FGFR2: variants seen among roughly 807,000 people sequenced by gnomAD.
FGFR2 encodes fibroblast growth factor receptor 2.
A neutral mutation model predicts 95.9 loss-of-function variants in FGFR2; 19 were observed. The ratio of observed to expected loss-of-function variants is 0.20; its 90% CI spans 0.14 to 0.29. The LOEUF is 0.29. FGFR2 is among the 10% of genes least tolerant of loss of function. The pLI is 1.00. For synonymous variants in FGFR2, 392 were observed against 393.3 expected, an observed-to-expected ratio of 1.00 and a Z score of 0.04; for missense variants, 707 against 1,056.9, an observed-to-expected ratio of 0.67 and a Z score of 4.59.
At chr10:121,494,702 A>C (rs1472620312) in intron 13 of FGFR2, among the ~76,000 whole-genome samples, 4 of 152,072 alleles carry the variant, frequency 2.6e-5, no homozygotes, top group African/African-American at 9.7e-5. Flanking sequence ...ACCTGCCCCC[A>C]CACACATACA....
chr10:121,488,820 C>T (rs1845765444), intron 13 of FGFR2, among the ~76,000 whole-genome samples: 2 of 152,168 alleles, frequency 1.3e-5, no homozygotes, highest in East Asian at 3.9e-4. Context: ...CACTTGCTCT[C>T]CTGCCCTTTA....
intron 5 of FGFR2, among the ~76,000 whole-genome samples, chr10:121,548,244 C>CCTTTTT (rs1854824977): frequency 2.7e-5 from 1 of 36,880 alleles, no homozygotes; most frequent in Non-Finnish European, 6.2e-5. Context: ...CCGCTTTTGG[C>CCTTTTT]CTTTTTTTTT....
At chr10:121,590,445 T>C (rs1862467358) in intron 2 of FGFR2, among the ~76,000 whole-genome samples, 1 of 152,134 alleles carries the variant, frequency 6.6e-6, no homozygotes. Flanking sequence ...CCCCTTCGAG[T>C]CAATAACCAT....
At chr10:121,574,454 G>A (rs1352822553) in intron 2 of FGFR2, among the ~76,000 whole-genome samples, 3 of 152,060 alleles carry the variant, frequency 2.0e-5, no homozygotes, top group Non-Finnish European at 2.9e-5. Flanking sequence ...GCTTGAATCC[G>A]GGAGGCGGGG....
intron 2 of FGFR2, among the ~76,000 whole-genome samples, chr10:121,571,948 A>T (rs1414296182): frequency 9.9e-5 from 14 of 142,118 alleles, no homozygotes; most frequent in Non-Finnish European, 1.4e-4. Context: ...CATCTCAAAA[A>T]AAAAATAAAA....
At chr10:121,589,403 T>G (rs1038400501) in intron 2 of FGFR2, among the ~76,000 whole-genome samples, 2 of 152,386 alleles carry the variant, frequency 1.3e-5, no homozygotes, top group South Asian at 4.1e-4. Flanking sequence ...ATTTGTTAAG[T>G]CTGATATTAA....
intron 2 of FGFR2, among the ~76,000 whole-genome samples, chr10:121,578,174 A>G (rs767172883): frequency 1.3e-5 from 2 of 151,918 alleles, no homozygotes; most frequent in Non-Finnish European, 2.9e-5. Flanking sequence ...AAAGCACATG[A>G]TCTCTACTCT....
At position 121,519,965 on chromosome 10, in the gene FGFR2, C is replaced by T. The variant is rs2134306445; in HGVS notation, c.939+14G>A. 6 of 1,614,066 alleles carry T rather than the reference C, an allele frequency of 3.7e-6. No homozygotes were observed. The highest frequency in any genetic ancestry group is 4.2e-6 in the Non-Finnish European group (5 of 1,179,940). Reference sequence around the variant, plus strand: ...CCCCAGTTGTGGGTACCTTTAGATTCAGAAAGTCCTCACCTTGAGAACCTT... The same window carrying T: ...CCCCAGTTGTGGGTACCTTTAGATTTAGAAAGTCCTCACCTTGAGAACCTT... On this transcript the variant is annotated intron_variant, in intron 7 of 17. Coordinates refer to ENST00000358487, the MANE Select transcript of FGFR2 (RefSeq NM_000141.5).
intron 2 of FGFR2, among the ~76,000 whole-genome samples, chr10:121,572,227 G>GA (rs1234339009): frequency 6.6e-6 from 1 of 151,928 alleles, no homozygotes; most frequent in East Asian, 1.9e-4. Flanking sequence ...AGGGGGCTGA[G>GA]GTAGGAAGAT....
At chr10:121,525,638 AG>A in intron 6 of FGFR2, among the ~76,000 whole-genome samples, 1 of 151,964 alleles carries the variant, frequency 6.6e-6, no homozygotes, top group East Asian at 1.9e-4. Context: ...AGAGAGAGAG[AG>A]AGAGAGAGGA....
At chr10:121,500,056 C>T (rs1253476301) in intron 11 of FGFR2, among the ~76,000 whole-genome samples, 5 of 151,978 alleles carry the variant, frequency 3.3e-5, no homozygotes, top group African/African-American at 4.8e-5. Flanking sequence ...GGGAAACACT[C>T]GGCATGGGAT....
intron 7 of FGFR2, 139 bp downstream of exon 7, chr10:121,519,840 T>C: frequency 2.6e-6 from 2 of 759,652 alleles, no homozygotes; most frequent in Admixed American, 2.4e-5. Context: ...GATCTGTTAA[T>C]TCCTTAGAAC....
rs759369890 is a variant in FGFR2 at position 121,496,515 on chromosome 10, G to T, written c.1863+17C>A. 2 of 1,613,542 alleles carry T rather than the reference G, an allele frequency of 1.2e-6. No individual in the cohort carries two copies. Among genetic ancestry groups the T allele is most frequent in the South Asian group, 2.2e-5 (2 of 91,068 alleles). ...TAGTTGGATTCCACCCAGCCAAGTA[G>T]AATGTGAAAGACTCACTTTTTGGGA... is the stretch of plus-strand genomic sequence containing the variant. On this transcript the variant is annotated intron_variant, in intron 13 of 17. Transcript: ENST00000358487.
At position 121,518,748 on chromosome 10, in the gene FGFR2, T is replaced by G; in HGVS notation, c.939+1231A>C. 6.2e-7 allele frequency: 1 copy of G among 1,614,156 alleles called. No homozygotes were observed. Among genetic ancestry groups the G allele is most frequent in the Non-Finnish European group, 8.5e-7 (1 of 1,180,016 alleles). On this transcript the variant is annotated intron_variant, in intron 7 of 17. Transcript: ENST00000358487. The surrounding 1 kb of genome is among the most constrained non-coding windows in gnomAD (Gnocchi z 4.0). Reference sequence around the variant, plus strand: ...GCCTGCCCTATATAATTGGAGACCTTACATATATATTCCCCAGCATCCGCC... The same window carrying G: ...GCCTGCCCTATATAATTGGAGACCTGACATATATATTCCCCAGCATCCGCC...
Position 121,479,827 on chromosome 10 carries a change from T to C in FGFR2, c.*30A>G, listed in dbSNP as rs1844438934. The C allele has an allele frequency of 1.9e-6, 3 of 1,614,080 alleles. No individual in the cohort carries two copies. Among genetic ancestry groups the C allele is most frequent in the Non-Finnish European group, 1.7e-6 (2 of 1,179,944 alleles). On this transcript the variant is annotated 3_prime_UTR_variant, in exon 18 of 18. Transcript: ENST00000358487. ...CAGTGTAGCTAGGTTCCCAGTGCTG[T>C]CCTGTTTGGGGACAGGCAGACACAG...
chr10:121,526,611 C>A, intron 6 of FGFR2: 1 of 398,126 alleles, frequency 2.5e-6, no homozygotes, highest in Non-Finnish European at 4.4e-6. Flanking sequence ...AAAAAGGGAA[C>A]GCTATGACGG....
intron 2 of FGFR2, among the ~76,000 whole-genome samples, chr10:121,570,384 G>A (rs573327878): frequency 6.6e-6 from 1 of 152,322 alleles, no homozygotes; most frequent in Admixed American, 6.5e-5. Context: ...CCCTGTGCCT[G>A]CATGTGCAAA....
chr10:121,538,266 C>T (rs1853145994), intron 6 of FGFR2: 1 of 730,102 alleles, frequency 1.4e-6, no homozygotes, highest in East Asian at 2.5e-5. Flanking sequence ...TGCTACAGCA[C>T]ATCTGTACCC....
rs1162463091 is a variant in FGFR2, at chr10:121,571,133, A to C, written c.110-5429T>G. On this transcript the variant is annotated intron_variant, in intron 2 of 17. Transcript: ENST00000358487. ...CCTCCTGAGTAGCTGGGACTACAGG[A>C]GCCTGCCACCACACCTGGCTAATTT... Among the ~76,000 whole-genome samples, 4 of 145,794 alleles carry C rather than the reference A, an allele frequency of 2.7e-5. No homozygotes were observed. In the South Asian group the frequency reaches 6.6e-4, roughly 24 times the overall value.
Sources: allele counts gnomAD v4.1 joint callset (sites outside exome capture counted in the v4.1 genomes callset), GRCh38; gene constraint gnomAD v4.1.1; non-coding constraint Gnocchi (gnomAD v3.1); transcripts MANE v1.5; gene names NCBI Gene and HGNC (gene_info 2026-07-23, HGNC 2026-07-21).